The following SMAD3 variants were observed in gnomAD, a reference collection of about 807,000 sequenced individuals.
SMAD3 encodes SMAD family member 3.
SMAD3 carries 12 observed loss-of-function variants against 51.8 expected under a neutral mutation model. The observed-to-expected ratio is 0.23, with a 90% CI of 0.15 to 0.38. SMAD3 has a LOEUF of 0.38. Ranked by LOEUF, SMAD3 falls within the 10% of genes least tolerant of loss-of-function variation. The pLI is 1.00. For synonymous variants in SMAD3, 238 were observed against 227.7 expected, an observed-to-expected ratio of 1.05 and a Z score of -0.41; for missense variants, 294 against 565.6, an observed-to-expected ratio of 0.52 and a Z score of 4.87.
intron 1 of SMAD3, chr15:67,138,080 G>A (rs1454766959): frequency 1.3e-6 from 2 of 1,551,822 alleles, no homozygotes. Flanking sequence ...TGGTACACCG[G>A]AAAGCATGGT....
At position 67,164,886 on chromosome 15, in the gene SMAD3, TC is replaced by T. The variant is rs766084203; in HGVS notation, c.207-7del. The T allele has an allele frequency of 6.2e-7, 1 of 1,612,638 alleles. No homozygotes were observed. The highest frequency in any genetic ancestry group is 1.3e-5 in the African/African-American group (1 of 75,010). On this transcript the variant is annotated splice_region_variant and splice_polypyrimidine_tract_variant and intron_variant, in intron 1 of 8. Transcript: ENST00000327367. Reference sequence around the variant, plus strand: ...TTCCCTCTCTTTCTGCCCCTCCCCGTCCTGGCAGGTCCCTGGATGGCCGGTT... The same window carrying T: ...TTCCCTCTCTTTCTGCCCCTCCCCGTCTGGCAGGTCCCTGGATGGCCGGTT...
chr15:67,091,940 C>T (rs548201216), intron 1 of SMAD3, among the ~76,000 whole-genome samples: 21 of 152,276 alleles, frequency 1.4e-4, no homozygotes, highest in African/African-American at 3.8e-4. Flanking sequence ...TGGAGGAAGC[C>T]GCTGCCTTTA....
chr15:67,150,480 A>AAAAG (rs145428247), intron 1 of SMAD3, among the ~76,000 whole-genome samples: 16 of 151,860 alleles, frequency 1.1e-4, no homozygotes, highest in South Asian at 6.2e-4. Context: ...TCCAGGAAAA[A>AAAAG]AAAGAAAGAA....
rs956908821 is a variant in SMAD3, at chr15:67,193,819, G to A, written c.*3283G>A. Reference sequence around the variant, plus strand: ...TTCTCCATCTCCCCTTGGCTTCCTAGAGTTTGGACATATTCCAGGCTAAAT... The same window carrying A: ...TTCTCCATCTCCCCTTGGCTTCCTAAAGTTTGGACATATTCCAGGCTAAAT... On this transcript the variant is annotated 3_prime_UTR_variant, in exon 9 of 9. Coordinates refer to ENST00000327367, the MANE Select transcript of SMAD3 (RefSeq NM_005902.4). The A allele has an allele frequency of 1.7e-5, 4 of 233,046 alleles. No homozygotes were observed. The highest frequency in any genetic ancestry group is 8.8e-5 in the African/African-American group (4 of 45,278). The allele number at this position is 233,046 out of a possible 1,614,324, so 14.4% of individuals were successfully genotyped here. A position where few individuals can be genotyped will look rare whatever the true frequency, so the allele number is the denominator to read the frequency against.
chr15:67,187,222 T>G, intron 7 of SMAD3, 143 bp from the exon 8 acceptor site: 1 of 962,388 alleles, frequency 1.0e-6, no homozygotes, highest in Non-Finnish European at 1.7e-6. Context: ...GTGGAGTGTG[T>G]GGCAAATGCA....
intron 1 of SMAD3, among the ~76,000 whole-genome samples, chr15:67,097,219 T>C (rs1960633693): frequency 2.0e-5 from 3 of 152,082 alleles, no homozygotes; most frequent in Non-Finnish European, 4.4e-5. Context: ...GTTTGTTTGT[T>C]TTTTGTTTTT....
At chr15:67,115,020 C>A (rs1182299780) in intron 1 of SMAD3, among the ~76,000 whole-genome samples, 6 of 152,186 alleles carry the variant, frequency 3.9e-5, no homozygotes, top group African/African-American at 1.4e-4. Flanking sequence ...GTGCTGTTGA[C>A]CCTATCTTAC....
chr15:67,168,435 C>A (rs1566993265), intron 4 of SMAD3, among the ~76,000 whole-genome samples: 1 of 152,236 alleles, frequency 6.6e-6, no homozygotes, highest in Admixed American at 6.5e-5. Flanking sequence ...CAAGTGACCG[C>A]TGCAAGCTTG....
intron 1 of SMAD3, chr15:67,145,960 A>G (rs563323438): frequency 1.3e-5 from 2 of 152,352 alleles, no homozygotes; most frequent in African/African-American, 2.4e-5. Context: ...ACCTTGTGGA[A>G]TACTCCTAAC....
At chr15:67,079,193 G>GTCTCGAAC (rs1377292437) in intron 1 of SMAD3, among the ~76,000 whole-genome samples, 1 of 152,016 alleles carries the variant, frequency 6.6e-6, no homozygotes, top group Non-Finnish European at 1.5e-5. Context: ...GGTCAGGCTG[G>GTCTCGAAC]TCTCGAACTC....
chr15:67,095,721 C>T (rs911781721), intron 1 of SMAD3, among the ~76,000 whole-genome samples: 5 of 152,032 alleles, frequency 3.3e-5, no homozygotes, highest in Non-Finnish European at 7.4e-5. Flanking sequence ...TTTTAGTAGA[C>T]GTGGGGTTTC....
intron 1 of SMAD3, among the ~76,000 whole-genome samples, chr15:67,143,614 T>C (rs1961893479): frequency 6.6e-6 from 1 of 152,152 alleles, no homozygotes; most frequent in Admixed American, 6.5e-5. Flanking sequence ...TTTGTCTTTT[T>C]AGTAGAAACC....
chr15:67,177,451 C>G (rs1403828704), intron 5 of SMAD3, among the ~76,000 whole-genome samples: 1 of 63,478 alleles, frequency 1.6e-5, no homozygotes, highest in Non-Finnish European at 2.9e-5. Context: ...GTGGCAGAGT[C>G]TTGCTCTATC....
At chr15:67,131,522 A>G (rs1227599716) in intron 1 of SMAD3, among the ~76,000 whole-genome samples, 2 of 152,170 alleles carry the variant, frequency 1.3e-5, no homozygotes, top group African/African-American at 2.4e-5. Flanking sequence ...TGTCTGTTGC[A>G]TGCCAAGCAC....
Position 67,190,908 on chromosome 15 carries a change from G to A in SMAD3, c.*372G>A. ...CAACCAGAAACACCCCTCTGTCTAG[G>A]ACTGCAGTGTGGAGTTCACCTTGGA... On this transcript the variant is annotated 3_prime_UTR_variant, in exon 9 of 9. Coordinates refer to ENST00000327367, the MANE Select transcript of SMAD3 (RefSeq NM_005902.4). 8.2e-6 allele frequency: 3 copies of A among 364,116 alleles called. No individual in the cohort carries two copies. The South Asian group carries it at 1.2e-4, about 15-fold the overall frequency. 22.6% of individuals were successfully genotyped at this position (364,116 alleles called of 1,614,324 possible). A position where few individuals can be genotyped will look rare whatever the true frequency, so the allele number is the denominator to read the frequency against.
intron 1 of SMAD3, among the ~76,000 whole-genome samples, chr15:67,084,029 G>A (rs1194386608): frequency 6.7e-6 from 1 of 148,748 alleles, no homozygotes; most frequent in Non-Finnish European, 1.5e-5. Flanking sequence ...GGGAGAATCT[G>A]AAAGAATCTG....
chr15:67,069,085 T>C (rs1399827741), intron 1 of SMAD3, among the ~76,000 whole-genome samples: 5 of 152,170 alleles, frequency 3.3e-5, no homozygotes, highest in African/African-American at 1.2e-4. Flanking sequence ...TATATAATCA[T>C]GAGCAGCAAC....
intron 1 of SMAD3, 46 bp downstream of exon 1, chr15:67,066,406 C>T: frequency 6.5e-7 from 1 of 1,536,794 alleles, no homozygotes; most frequent in South Asian, 1.1e-5. Flanking sequence ...CGGCCCAGCC[C>T]CCTGGCACTG....
intron 8 of SMAD3, among the ~76,000 whole-genome samples, chr15:67,188,638 G>A (rs922508515): frequency 3.9e-5 from 6 of 152,194 alleles, no homozygotes; most frequent in Non-Finnish European, 7.3e-5. Flanking sequence ...CAGCTCCTGC[G>A]GCAGATGCAG....
Sources: gnomAD v4.1 joint callset for allele counts (sites outside exome capture counted in the v4.1 genomes callset) on GRCh38, gnomAD v4.1.1 for gene constraint, MANE v1.5 for transcripts, NCBI Gene and HGNC (gene_info 2026-07-23, HGNC 2026-07-21) for gene names.